The following TENM1 variants were observed in gnomAD, a reference collection of about 807,000 sequenced individuals.
TENM1 encodes the protein teneurin transmembrane protein 1, also known as teneurin-1.
TENM1 carries 35 observed loss-of-function variants against 174.8 expected under a neutral mutation model. The ratio of observed to expected loss-of-function variants is 0.20; its 90% CI spans 0.15 to 0.27. The LOEUF (loss-of-function observed/expected upper bound fraction) is 0.27, where lower values mean the gene tolerates loss of function less well. Among genes scored for constraint, TENM1 ranks in the 10% least tolerant of loss-of-function variants. The probability of loss-of-function intolerance (pLI) is 1.00; values close to 1 mark genes in which losing one functional copy is unlikely to be tolerated. For synonymous variants in TENM1, 781 were observed against 798.7 expected (o/e 0.98, Z 0.37); for missense variants, 1,633 against 2,130.1 (o/e 0.77, Z 4.59).
intron 22 of TENM1, 135 bp from the exon 26 acceptor site, chrX:124,453,626 G>A: frequency 2.1e-6 from 1 of 481,426 alleles, no homozygotes; most frequent in Non-Finnish European, 3.3e-6. Flanking sequence ...AGCACAGACA[G>A]GACAGTAATG....
At chrX:125,032,173 ATT>A in the TENM1 span, among the ~76,000 whole-genome samples, 1 of 101,111 alleles carries the variant, frequency 9.9e-6, no homozygotes, top group Non-Finnish European at 2.0e-5. Context: ...TTTTTAAATC[ATT>A]TTTTTTTTTT....
intron 11 of TENM1, among the ~76,000 whole-genome samples, chrX:124,610,308 T>C (rs1052669874): frequency 8.9e-6 from 1 of 112,196 alleles, no homozygotes; most frequent in African/African-American, 3.2e-5. Flanking sequence ...TTCCATGCAA[T>C]ACGTATTTAT....
chrX:125,198,584 T>A, the TENM1 span, among the ~76,000 whole-genome samples: 1 of 111,528 alleles, frequency 9.0e-6, no homozygotes, highest in African/African-American at 3.3e-5. Flanking sequence ...TTCAGGAAAA[T>A]GACAGAGATG....
the TENM1 span, among the ~76,000 whole-genome samples, chrX:125,034,593 G>A: frequency 8.9e-6 from 1 of 111,858 alleles, no homozygotes; most frequent in Non-Finnish European, 1.9e-5. Flanking sequence ...ATCACAAAAA[G>A]TAGATTGATC....
exon 22 of TENM1, chrX:124,481,904 T>C (rs756195049): frequency 5.8e-6 from 7 of 1,205,901 alleles, no homozygotes; most frequent in South Asian, 1.8e-5. Context: ...TGGTGTCTGA[T>C]AGATAGAGTG....
chrX:124,881,701 T>TTTGTTG (rs745628080), intron 3 of TENM1, among the ~76,000 whole-genome samples: 4 of 109,633 alleles, frequency 3.6e-5, no homozygotes, highest in Admixed American at 1.9e-4. Flanking sequence ...TCCCATAGTT[T>TTTGTTG]TTGTTGTTGT....
chrX:124,530,056 T>C, intron 15 of TENM1, 73 bp from the exon 19 acceptor site: 1 of 1,098,271 alleles, frequency 9.1e-7, no homozygotes, highest in African/African-American at 1.8e-5. Context: ...TGTAGAAACT[T>C]TGGAAAACAG....
intron 1 of TENM1, among the ~76,000 whole-genome samples, chrX:124,940,401 C>G (rs1380224577): frequency 8.9e-6 from 1 of 111,834 alleles, no homozygotes; most frequent in Non-Finnish European, 1.9e-5. Flanking sequence ...AATATAAATA[C>G]TATATTGATC....
chrX:124,666,454 TC>T (rs1044392944), intron 6 of TENM1, among the ~76,000 whole-genome samples: 3 of 111,802 alleles, frequency 2.7e-5, no homozygotes, highest in African/African-American at 9.8e-5. Flanking sequence ...TCCGAAATTC[TC>T]CCACTTTTTT....
At chrX:125,183,957 A>G in the TENM1 span, among the ~76,000 whole-genome samples, 1 of 111,698 alleles carries the variant, frequency 9.0e-6, no homozygotes, top group Non-Finnish European at 1.9e-5. Flanking sequence ...TGTTCAGCCC[A>G]AAGTTTTTAT....
chrX:124,987,301 A>G, the TENM1 span, among the ~76,000 whole-genome samples: 1 of 111,643 alleles, frequency 9.0e-6, no homozygotes, highest in Middle Eastern at 4.7e-3. Flanking sequence ...TGACTTCTAT[A>G]AATCTACCCT....
chrX:124,425,359 C>T (rs996684823), intron 23 of TENM1, among the ~76,000 whole-genome samples: 3 of 112,180 alleles, frequency 2.7e-5, no homozygotes, highest in East Asian at 5.6e-4. Flanking sequence ...CTGATAACAG[C>T]CATTCCAACT....
the TENM1 span, among the ~76,000 whole-genome samples, chrX:124,998,485 A>T: frequency 9.0e-6 from 1 of 110,660 alleles, no homozygotes; most frequent in East Asian, 2.8e-4. Context: ...TCTAAAAAAA[A>T]AAAAACAATG....
intron 3 of TENM1, among the ~76,000 whole-genome samples, chrX:124,827,837 C>G (rs2056201945): frequency 8.9e-6 from 1 of 111,786 alleles, no homozygotes; most frequent in Admixed American, 9.5e-5. Flanking sequence ...TACCTTTGGC[C>G]TGAGTTAACT....
rs2357060 is a variant in TENM1, at chrX:124,573,940, G to T, written c.2078-8380C>A. Among the ~76,000 whole-genome samples, 12 of 111,919 alleles carry T rather than the reference G, an allele frequency of 1.1e-4. No individual in the cohort carries two copies. The East Asian group carries it at 3.4e-3, about 31-fold the overall frequency. On this transcript the variant is annotated intron_variant, in intron 11 of 31. Coordinates refer to ENST00000422452, the Ensembl canonical transcript of TENM1. ...TATAAACAAGATAGAAATGATATTT[G>T]CTCTAATACATTTGTCTCATGAATA...
the TENM1 span, among the ~76,000 whole-genome samples, chrX:125,139,857 C>CGG: frequency 2.8e-5 from 2 of 72,229 alleles, no homozygotes; most frequent in Non-Finnish European, 5.0e-5. Context: ...CACACACACA[C>CGG]GGAGAGAGAG....
chrX:124,420,649 A>C (rs1031267971), exon 25 of TENM1: 1 of 1,211,317 alleles, frequency 8.3e-7, no homozygotes, highest in Admixed American at 2.2e-5. Context: ...ACAGTTCCTG[A>C]TCAGCGGGTG....
At chrX:124,479,604 G>A (rs1174770597) in intron 22 of TENM1, among the ~76,000 whole-genome samples, 1 of 111,071 alleles carries the variant, frequency 9.0e-6, no homozygotes, top group East Asian at 2.8e-4. Flanking sequence ...AAAAAAAAAA[G>A]CTGCAGTGAA....
At chrX:125,021,218 A>ATTT in the TENM1 span, among the ~76,000 whole-genome samples, 16 of 96,358 alleles carry the variant, frequency 1.7e-4, no homozygotes, top group Admixed American at 1.5e-3. Context: ...ATTAAAGACA[A>ATTT]TTTTTTTTTT....
Sources: gnomAD v4.1 joint callset for allele counts (sites outside exome capture counted in the v4.1 genomes callset) on GRCh38, gnomAD v4.1.1 for gene constraint, MANE v1.5 for transcripts, NCBI Gene and HGNC (gene_info 2026-07-23, HGNC 2026-07-21) for gene names.